Variants in ST6GALNAC3 observed in about 807,000 individuals in gnomAD.
The protein encoded by ST6GALNAC3 is ST6 N-acetylgalactosaminide alpha-2,6-sialyltransferase 3, also known as alpha-N-acetylgalactosaminide alpha-2,6-sialyltransferase 3.
In ST6GALNAC3, 25 loss-of-function variants were observed where a neutral mutation model predicts 32.7. The observed-to-expected ratio is 0.76, with a 90% confidence interval of 0.56 to 1.07. The LOEUF (loss-of-function observed/expected upper bound fraction) is 1.07, where lower values mean the gene tolerates loss of function less well. Among genes scored for constraint, ST6GALNAC3 ranks in the 50% least tolerant of loss-of-function variants. ST6GALNAC3 has a pLI of 0.00. For missense variants in ST6GALNAC3, 355 were observed against 382.4 expected, an observed-to-expected ratio of 0.93 and a Z score of 0.60; for synonymous variants, 129 against 133.1, an observed-to-expected ratio of 0.97 and a Z score of 0.21.
At chr1:76,613,507 G>A (rs900961878) in intron 3 of ST6GALNAC3, among the ~76,000 whole-genome samples, 29 of 152,328 alleles carry the variant, frequency 1.9e-4, no homozygotes, top group African/African-American at 7.0e-4. Context: ...ATGATGACAT[G>A]GCTGTCTGTG....
intron 3 of ST6GALNAC3, among the ~76,000 whole-genome samples, chr1:76,535,093 C>A (rs754592041): frequency 1.1e-4 from 16 of 152,070 alleles, no homozygotes; most frequent in Non-Finnish European, 1.8e-4. Context: ...ATACTCAAGG[C>A]AGTAGGGCAT....
At chr1:76,486,211 G>A (rs1229425062) in intron 3 of ST6GALNAC3, among the ~76,000 whole-genome samples, 6 of 152,172 alleles carry the variant, frequency 3.9e-5, no homozygotes, top group Non-Finnish European at 5.9e-5. Context: ...TTGATTTGGG[G>A]TGGAGATTTC....
chr1:76,158,478 G>A (rs1371618139), intron 1 of ST6GALNAC3, among the ~76,000 whole-genome samples: 1 of 152,166 alleles, frequency 6.6e-6, no homozygotes, highest in Non-Finnish European at 1.5e-5. Context: ...CAGTTCCTGG[G>A]GTGGCCCCAA....
At chr1:76,341,169 G>C (rs1647937763) in intron 2 of ST6GALNAC3, among the ~76,000 whole-genome samples, 1 of 151,868 alleles carries the variant, frequency 6.6e-6, no homozygotes, top group Non-Finnish European at 1.5e-5. Flanking sequence ...ACAGAACCCT[G>C]TAGGTAGTTT....
chr1:76,412,650 TC>T lies in ST6GALNAC3; in HGVS notation c.623+237del, dbSNP rs953437605. ...GAGTCTCCAAGAAACACTGGATACT[TC>T]CCCAAGGTATCTTTTGATCTTTTTT... On this transcript the variant is annotated intron_variant, in intron 3 of 4. Coordinates refer to ENST00000328299, the MANE Select transcript of ST6GALNAC3 (RefSeq NM_152996.4). Among the ~76,000 whole-genome samples the T allele has an allele frequency of 5.9e-5, 9 of 152,132 alleles. No homozygotes were observed. In the South Asian group the frequency reaches 6.2e-4, roughly 11 times the overall value.
intron 3 of ST6GALNAC3, among the ~76,000 whole-genome samples, chr1:76,501,387 A>T (rs541187627): frequency 6.7e-4 from 102 of 152,268 alleles, no homozygotes; most frequent in African/African-American, 2.4e-3. Context: ...TTATCCCGGG[A>T]TCTTATCCTC....
intron 3 of ST6GALNAC3, among the ~76,000 whole-genome samples, chr1:76,605,457 T>C (rs1042708219): frequency 6.6e-6 from 1 of 152,076 alleles, no homozygotes; most frequent in Non-Finnish European, 1.5e-5. Context: ...ACAGACAACC[T>C]ACAAAATGGG....
At chr1:76,384,954 G>T (rs1651979542) in intron 2 of ST6GALNAC3, among the ~76,000 whole-genome samples, 1 of 152,116 alleles carries the variant, frequency 6.6e-6, no homozygotes, top group East Asian at 1.9e-4. Context: ...TGCACAGCAT[G>T]CATGAATCTT....
intron 3 of ST6GALNAC3, among the ~76,000 whole-genome samples, chr1:76,603,212 A>G (rs1647314381): frequency 6.6e-6 from 1 of 152,192 alleles, no homozygotes; most frequent in Admixed American, 6.5e-5. Context: ...TTTCTACCTA[A>G]CAATTCTACT....
chr1:76,460,087 T>C (rs529174486), intron 3 of ST6GALNAC3, among the ~76,000 whole-genome samples: 86 of 152,340 alleles, frequency 5.6e-4, no homozygotes, highest in African/African-American at 2.0e-3. Flanking sequence ...TTGAATCATT[T>C]TATATTCCTA....
At chr1:76,556,931 A>T (rs1443992884) in intron 3 of ST6GALNAC3, among the ~76,000 whole-genome samples, 1 of 152,012 alleles carries the variant, frequency 6.6e-6, no homozygotes, top group Admixed American at 6.6e-5. Flanking sequence ...GTCGTATTTA[A>T]AAAGGCTTGC....
chr1:76,447,154 T>C (rs776944934), intron 3 of ST6GALNAC3, among the ~76,000 whole-genome samples: 4 of 152,134 alleles, frequency 2.6e-5, no homozygotes, highest in Non-Finnish European at 5.9e-5. Flanking sequence ...GCTGAAGTGG[T>C]CTCAAATGGA....
intron 3 of ST6GALNAC3, among the ~76,000 whole-genome samples, chr1:76,588,033 A>ACATGTTTCTTCTTTTC (rs1553145395): frequency 1.3e-5 from 2 of 152,214 alleles, no homozygotes; most frequent in Non-Finnish European, 2.9e-5. Flanking sequence ...CATACAGAGC[A>ACATGTTTCTTCTTTTC]CATGTTTCTT....
intron 3 of ST6GALNAC3, among the ~76,000 whole-genome samples, chr1:76,538,516 C>T (rs1451264094): frequency 6.6e-6 from 1 of 152,062 alleles, no homozygotes. Context: ...GAAGTTCTGG[C>T]CAGGGCAATC....
At chr1:76,298,369 G>A (rs1660531975) in intron 1 of ST6GALNAC3, among the ~76,000 whole-genome samples, 1 of 151,972 alleles carries the variant, frequency 6.6e-6, no homozygotes, top group African/African-American at 2.4e-5. Context: ...GAGATTTCTA[G>A]TGAAATATAA....
intron 1 of ST6GALNAC3, among the ~76,000 whole-genome samples, chr1:76,076,206 G>A (rs1296526143): frequency 6.6e-6 from 1 of 152,194 alleles, no homozygotes; most frequent in Non-Finnish European, 1.5e-5. Context: ...TATTCATTGT[G>A]TTATTTGCTG....
chr1:76,630,721 C>A lies in ST6GALNAC3; in HGVS notation c.*1915C>A. On this transcript the variant is annotated 3_prime_UTR_variant, in exon 5 of 5. Transcript: ENST00000328299. Reference sequence around the variant, plus strand: ...AATTTTGACACCTCAATATTCACACCCATAAACATTACTAAGCCCCAGTTC... The same window carrying A: ...AATTTTGACACCTCAATATTCACACACATAAACATTACTAAGCCCCAGTTC... 1 of 985,590 alleles carries A rather than the reference C, an allele frequency of 1.0e-6. No homozygotes were observed. Among genetic ancestry groups the A allele is most frequent in the Non-Finnish European group, 1.2e-6 (1 of 829,814 alleles). 61.1% of individuals were successfully genotyped at this position (985,590 alleles called of 1,614,324 possible). A position where few individuals can be genotyped will look rare whatever the true frequency, so the allele number is the denominator to read the frequency against.
At chr1:76,494,215 A>G (rs1660666074) in intron 3 of ST6GALNAC3, among the ~76,000 whole-genome samples, 1 of 149,994 alleles carries the variant, frequency 6.7e-6, no homozygotes, top group Non-Finnish European at 1.5e-5. Flanking sequence ...AATCCATATC[A>G]CCTTAAACAT....
At chr1:76,077,912 T>C (rs965017031) in intron 1 of ST6GALNAC3, among the ~76,000 whole-genome samples, 1 of 152,220 alleles carries the variant, frequency 6.6e-6, no homozygotes, top group Non-Finnish European at 1.5e-5. Context: ...ATTGACCCCA[T>C]TCTCAAATGG....
Sources: gnomAD v4.1 joint callset for allele counts (sites outside exome capture counted in the v4.1 genomes callset) on GRCh38, gnomAD v4.1.1 for gene constraint, MANE v1.5 for transcripts, NCBI Gene and HGNC (gene_info 2026-07-23, HGNC 2026-07-21) for gene names.